ARL8B: variants seen among roughly 807,000 people sequenced by gnomAD.
The protein encoded by ARL8B is ARF like GTPase 8B, also known as ADP-ribosylation factor-like protein 8B.
ARL8B carries 9 observed loss-of-function variants against 30.6 expected under a neutral mutation model. The ratio of observed to expected loss-of-function variants is 0.29; its 90% confidence interval spans 0.18 to 0.51. The LOEUF is 0.51. ARL8B is among the 20% of genes least tolerant of loss of function. The probability of loss-of-function intolerance (pLI) is 0.97; values close to 1 mark genes in which losing one functional copy is unlikely to be tolerated. For synonymous variants in ARL8B, 74 were observed against 76.0 expected (o/e 0.97, Z 0.14); for missense variants, 130 against 227.2 (o/e 0.57, Z 2.75).
At chr3:5,132,319 A>T (rs558715457) in intron 1 of ARL8B, among the ~76,000 whole-genome samples, 2 of 151,804 alleles carry the variant, frequency 1.3e-5, no homozygotes, top group African/African-American at 4.8e-5. Flanking sequence ...CAGTGGCGCG[A>T]TCTCGGCTCA....
intron 1 of ARL8B, among the ~76,000 whole-genome samples, chr3:5,142,176 T>C (rs11720410): frequency 0.4 from 60,592 of 151,916 alleles, 14,018 homozygotes; most frequent in African/African-American, 0.66. Context: ...CCTTTTCCCA[T>C]AGTACCACCA....
In ARL8B at chr3:5,142,461, A is replaced by G. The variant is rs531520319; in HGVS notation, c.123+19873A>G. On this transcript the variant is annotated intron_variant, in intron 1 of 6. Transcript: ENST00000256496. ...TGTCCTGGTATAGAGCCAACATGCA[A>G]TCCATTTCTTCAGGATCAGTATCCC... 2.0e-4 allele frequency among the ~76,000 whole-genome samples: 30 copies of G among 152,168 alleles called. No individual in the cohort carries two copies. The South Asian group carries it at 5.8e-3, about 29-fold the overall frequency.
intron 1 of ARL8B, among the ~76,000 whole-genome samples, chr3:5,144,020 A>G (rs2054398649): frequency 6.6e-6 from 1 of 152,068 alleles, no homozygotes; most frequent in Admixed American, 6.6e-5. Flanking sequence ...TGAGAGTTTG[A>G]TTCATTCTTT....
At chr3:5,134,232 T>C (rs1297408935) in intron 1 of ARL8B, among the ~76,000 whole-genome samples, 1 of 152,204 alleles carries the variant, frequency 6.6e-6, no homozygotes, top group Non-Finnish European at 1.5e-5. Flanking sequence ...GTTTTGCCAA[T>C]GTTTCGGACA....
At chr3:5,150,550 A>C (rs1022137647) in intron 1 of ARL8B, among the ~76,000 whole-genome samples, 2 of 152,110 alleles carry the variant, frequency 1.3e-5, no homozygotes, top group African/African-American at 4.8e-5. Context: ...TGGTAGGCCA[A>C]GGTGGGCAGA....
intron 1 of ARL8B, among the ~76,000 whole-genome samples, chr3:5,140,936 A>C (rs1237324840): frequency 1.3e-5 from 2 of 152,204 alleles, no homozygotes; most frequent in Admixed American, 6.5e-5. Context: ...TCTGGTAGGC[A>C]GTCACACCGG....
chr3:5,168,420 A>G (rs1575573606), intron 1 of ARL8B, among the ~76,000 whole-genome samples: 4 of 149,532 alleles, frequency 2.7e-5, no homozygotes, highest in African/African-American at 1.0e-4. Context: ...ATCTTGCTCT[A>G]CTCAAGAATT....
chr3:5,166,346 TCG>T (rs1413171196), intron 1 of ARL8B, among the ~76,000 whole-genome samples: 4 of 129,166 alleles, frequency 3.1e-5, no homozygotes, highest in East Asian at 2.2e-4. Flanking sequence ...CTGGTATCTT[TCG>T]TTTTTTTTTT....
At chr3:5,171,631 A>G (rs2054677359) in intron 2 of ARL8B, among the ~76,000 whole-genome samples, 2 of 152,242 alleles carry the variant, frequency 1.3e-5, no homozygotes, top group South Asian at 4.1e-4. Flanking sequence ...TATAGGTGTG[A>G]GCCACCATGC....
intron 4 of ARL8B, 72 bp downstream of exon 4, chr3:5,172,812 T>C: frequency 2.0e-6 from 2 of 1,007,196 alleles, no homozygotes; most frequent in South Asian, 1.5e-5. Context: ...TATGCAGTGA[T>C]ATTAATTATG....
At chr3:5,139,321 A>G (rs1314150617) in intron 1 of ARL8B, among the ~76,000 whole-genome samples, 2 of 152,178 alleles carry the variant, frequency 1.3e-5, no homozygotes, top group South Asian at 2.1e-4. Context: ...TCTTGCCTCT[A>G]CTATGCCTAG....
intron 1 of ARL8B, among the ~76,000 whole-genome samples, chr3:5,164,683 T>G (rs904830124): frequency 1.3e-5 from 2 of 152,220 alleles, no homozygotes; most frequent in Admixed American, 1.3e-4. Context: ...CATTTAAAAG[T>G]TGATACATCA....
At chr3:5,136,854 T>C (rs2054330103) in intron 1 of ARL8B, among the ~76,000 whole-genome samples, 1 of 152,170 alleles carries the variant, frequency 6.6e-6, no homozygotes, top group East Asian at 1.9e-4. Context: ...GATGGCACTG[T>C]CTTACTCATC....
intron 1 of ARL8B, among the ~76,000 whole-genome samples, chr3:5,134,166 G>T (rs2054306291): frequency 6.6e-6 from 1 of 152,176 alleles, no homozygotes; most frequent in Non-Finnish European, 1.5e-5. Context: ...AGAGTGGGTT[G>T]TAGGATCTTT....
intron 1 of ARL8B, chr3:5,157,006 C>A (rs983569589): frequency 2.6e-5 from 4 of 152,208 alleles, no homozygotes; most frequent in African/African-American, 9.7e-5. Flanking sequence ...CTGCGACATT[C>A]TAGGTTTTGT....
At chr3:5,145,945 C>G (rs747193993) in intron 1 of ARL8B, among the ~76,000 whole-genome samples, 2 of 152,024 alleles carry the variant, frequency 1.3e-5, no homozygotes, top group Non-Finnish European at 2.9e-5. Flanking sequence ...CTTGCAATCC[C>G]CTCTCTCCTA....
rs2054753330 is a variant in ARL8B, at chr3:5,178,903, T to C, written c.*190T>C. On this transcript the variant is annotated 3_prime_UTR_variant, in exon 7 of 7. Transcript: ENST00000256496. ...CATAAAGAATCAGCTAGAGTTGTCA[T>C]GATAAAGTCAGCACACACAAAAAGG... is the stretch of plus-strand genomic sequence containing the variant. The C allele has an allele frequency of 1.8e-6, 2 of 1,086,714 alleles. No individual in the cohort carries two copies. Among genetic ancestry groups the C allele is most frequent in the African/African-American group, 3.2e-5 (2 of 62,150 alleles). The allele number at this position is 1,086,714 out of a possible 1,614,324, so 67.3% of individuals were successfully genotyped here.
chr3:5,172,838 A>G lies in ARL8B; in HGVS notation c.372+98A>G, dbSNP rs150214899. On this transcript the variant is annotated intron_variant, in intron 4 of 6. Transcript: ENST00000256496. ...ATTAATTATGTTTGAAATCAGTAAC[A>G]TGTCTTCATTTTTAAAATCTGGAAA... is the stretch of plus-strand genomic sequence containing the variant. The G allele has an allele frequency of 7.3e-6, 6 of 819,762 alleles. No homozygotes were observed. In the East Asian group the frequency reaches 1.4e-4, roughly 20 times the overall value. The allele number at this position is 819,762 out of a possible 1,614,324, so 50.8% of individuals were successfully genotyped here. A position where few individuals can be genotyped will look rare whatever the true frequency, so the allele number is the denominator to read the frequency against.
At chr3:5,167,283 G>A (rs2054632518) in intron 1 of ARL8B, among the ~76,000 whole-genome samples, 2 of 152,144 alleles carry the variant, frequency 1.3e-5, no homozygotes, top group African/African-American at 4.8e-5. Flanking sequence ...AAGAAGGCAG[G>A]CATGAAAGCA....
Sources: gnomAD v4.1 joint callset for allele counts (sites outside exome capture counted in the v4.1 genomes callset) on GRCh38, gnomAD v4.1.1 for gene constraint, MANE v1.5 for transcripts, NCBI Gene and HGNC (gene_info 2026-07-23, HGNC 2026-07-21) for gene names.